Variants in KCNK2 observed in about 807,000 individuals in gnomAD.
KCNK2 encodes the protein potassium two pore domain channel subfamily K member 2.
In KCNK2, 21 loss-of-function variants were observed where a neutral mutation model predicts 40.5. The ratio of observed to expected loss-of-function variants is 0.52; its 90% confidence interval spans 0.37 to 0.75. KCNK2 has a LOEUF of 0.75. KCNK2 is among the 30% of genes least tolerant of loss of function. The probability of loss-of-function intolerance (pLI) is 0.00; values close to 1 mark genes in which losing one functional copy is unlikely to be tolerated. For missense variants in KCNK2, 399 were observed against 531.6 expected, an observed-to-expected ratio of 0.75 and a Z score of 2.45; for synonymous variants, 191 against 202.2, an observed-to-expected ratio of 0.94 and a Z score of 0.47.
intron 6 of KCNK2, among the ~76,000 whole-genome samples, chr1:215,217,627 A>C (rs1226249751): frequency 6.6e-6 from 1 of 152,136 alleles, no homozygotes; most frequent in African/African-American, 2.4e-5. Flanking sequence ...AACCTAAATA[A>C]TTTCTTCCCT....
chr1:215,150,095 C>T (rs78035954), intron 3 of KCNK2, among the ~76,000 whole-genome samples: 1 of 152,052 alleles, frequency 6.6e-6, no homozygotes, highest in South Asian at 2.1e-4. Flanking sequence ...GGGAACCCTG[C>T]ATGCAGGAGG....
chr1:215,180,583 C>T (rs1160304054), intron 5 of KCNK2, among the ~76,000 whole-genome samples: 1 of 151,916 alleles, frequency 6.6e-6, no homozygotes, highest in African/African-American at 2.4e-5. Flanking sequence ...GCTTGCTTGT[C>T]TGGAAAAAAT....
chr1:215,142,799 T>C (rs1188042525), intron 3 of KCNK2, among the ~76,000 whole-genome samples: 2 of 152,152 alleles, frequency 1.3e-5, no homozygotes, highest in African/African-American at 2.4e-5. Flanking sequence ...GAAATATTTT[T>C]TTTTTCTAGC....
At chr1:215,066,470 TA>T (rs34137784) in intron 1 of KCNK2, among the ~76,000 whole-genome samples, 3 of 151,688 alleles carry the variant, frequency 2.0e-5, no homozygotes, top group East Asian at 3.9e-4. Flanking sequence ...ATTAGACTGC[TA>T]AAAAAAATTA....
rs1553277250 is a variant in KCNK2, at chr1:215,236,045, A to AATCATCT, written c.*903_*904insATCTATC. 1 of 144,302 alleles carries AATCATCT rather than the reference A, an allele frequency of 6.9e-6. No homozygotes were observed. Among genetic ancestry groups the AATCATCT allele is most frequent in the Non-Finnish European group, 1.5e-5 (1 of 66,166 alleles). The allele number at this position is 144,302 out of a possible 1,614,324, so 8.9% of individuals were successfully genotyped here. On this transcript the variant is annotated 3_prime_UTR_variant, in exon 7 of 7. Coordinates refer to ENST00000444842, the MANE Select transcript of KCNK2 (RefSeq NM_001017425.3). The stretch of plus-strand genomic sequence containing the variant: ...TACATTTTTAAAGGCAGAAGAAGAA[A>AATCATCT]ATCTATCTATCTATCTATCTATCTA...
At chr1:215,137,117 AAC>A (rs1661957569) in intron 3 of KCNK2, among the ~76,000 whole-genome samples, 1 of 152,194 alleles carries the variant, frequency 6.6e-6, no homozygotes, top group South Asian at 2.1e-4. Flanking sequence ...ATTAATATGT[AAC>A]AGTTTTATCA....
chr1:215,153,106 G>T (rs1662758590), intron 3 of KCNK2, among the ~76,000 whole-genome samples: 1 of 152,118 alleles, frequency 6.6e-6, no homozygotes, highest in African/African-American at 2.4e-5. Context: ...CTCACATAGA[G>T]GGTAGAAAGG....
At chr1:215,029,183 A>G (rs1657097623) in intron 1 of KCNK2, among the ~76,000 whole-genome samples, 4 of 152,066 alleles carry the variant, frequency 2.6e-5, no homozygotes, top group African/African-American at 9.7e-5. Flanking sequence ...TTGGTGTTGT[A>G]CATCCTATGA....
chr1:215,172,221 G>A (rs1180625527), intron 5 of KCNK2, 38 bp downstream of exon 5: 5 of 1,536,574 alleles, frequency 3.3e-6, no homozygotes, highest in Non-Finnish European at 4.4e-6. Flanking sequence ...TCTTCTAACA[G>A]GGGTTTATTA....
intron 2 of KCNK2, among the ~76,000 whole-genome samples, chr1:215,089,736 G>T (rs867132709): frequency 6.6e-6 from 1 of 151,954 alleles, no homozygotes; most frequent in African/African-American, 2.4e-5. Context: ...GACATGTTTT[G>T]AGCAATATGA....
intron 3 of KCNK2, among the ~76,000 whole-genome samples, chr1:215,146,644 C>G (rs1057315057): frequency 1.3e-5 from 2 of 152,118 alleles, no homozygotes; most frequent in African/African-American, 4.8e-5. Flanking sequence ...ATGGCATGTC[C>G]CAAACCAGAT....
At chr1:215,133,318 G>GGAAT (rs1368519542) in intron 3 of KCNK2, among the ~76,000 whole-genome samples, 8 of 152,156 alleles carry the variant, frequency 5.3e-5, no homozygotes, top group Non-Finnish European at 1.0e-4. Context: ...TTGGAAGCAA[G>GGAAT]GAATAGTCAT....
intron 1 of KCNK2, among the ~76,000 whole-genome samples, chr1:215,062,351 C>A (rs1202781696): frequency 6.6e-6 from 1 of 151,936 alleles, no homozygotes; most frequent in Non-Finnish European, 1.5e-5. Flanking sequence ...CAGTTTAAAC[C>A]ATTTCAGATA....
chr1:215,071,956 A>G (rs1343114157), intron 1 of KCNK2, among the ~76,000 whole-genome samples: 1 of 152,198 alleles, frequency 6.6e-6, no homozygotes, highest in Non-Finnish European at 1.5e-5. Context: ...GCCTTTGTCT[A>G]TAATTGTAAT....
At chr1:215,206,369 T>G (rs2102679188) in intron 6 of KCNK2, among the ~76,000 whole-genome samples, 1 of 152,294 alleles carries the variant, frequency 6.6e-6, no homozygotes, top group Admixed American at 6.5e-5. Context: ...TCAGCTGTTT[T>G]TGACCTTAAG....
chr1:215,134,409 G>A (rs1245487931), intron 3 of KCNK2, among the ~76,000 whole-genome samples: 1 of 152,108 alleles, frequency 6.6e-6, no homozygotes, highest in East Asian at 1.9e-4. Flanking sequence ...TATTACAAAG[G>A]GTATTACAAG....
chr1:215,188,207 C>T (rs967758169), intron 5 of KCNK2, among the ~76,000 whole-genome samples: 1 of 152,118 alleles, frequency 6.6e-6, no homozygotes, highest in Non-Finnish European at 1.5e-5. Flanking sequence ...TGAATGCTTA[C>T]CAGGTCAGTC....
At chr1:215,016,951 T>A (rs1023094747) in intron 1 of KCNK2, among the ~76,000 whole-genome samples, 8 of 152,142 alleles carry the variant, frequency 5.3e-5, no homozygotes, top group African/African-American at 1.4e-4. Context: ...TGAGTAGACA[T>A]TTCTCAAAAG....
At chr1:215,042,055 C>A (rs1270210330) in intron 1 of KCNK2, among the ~76,000 whole-genome samples, 1 of 152,102 alleles carries the variant, frequency 6.6e-6, no homozygotes, top group Non-Finnish European at 1.5e-5. Flanking sequence ...TATTAACTGT[C>A]ACAAAAATAA....
Sources: allele counts gnomAD v4.1 joint callset (sites outside exome capture counted in the v4.1 genomes callset), GRCh38; gene constraint gnomAD v4.1.1; transcripts MANE v1.5; gene names NCBI Gene and HGNC (gene_info 2026-07-23, HGNC 2026-07-21).